Variants in IL1RAPL2 observed in about 807,000 individuals in gnomAD.
The protein encoded by IL1RAPL2 is X-linked interleukin-1 receptor accessory protein-like 2.
A neutral mutation model predicts 44.1 loss-of-function variants in IL1RAPL2; 3 were observed. That is an observed-to-expected ratio of 0.07 (90% confidence interval 0.03 to 0.18). The LOEUF (loss-of-function observed/expected upper bound fraction) is 0.18. Among genes scored for constraint, IL1RAPL2 ranks in the 10% least tolerant of loss-of-function variants. The probability of loss-of-function intolerance (pLI) is 1.00; values close to 1 mark genes in which losing one functional copy is unlikely to be tolerated. For missense variants in IL1RAPL2, 391 were observed against 496.4 expected (o/e 0.79, Z 2.02); for synonymous variants, 181 against 178.8 (o/e 1.01, Z -0.10).
At chrX:105,120,479 G>A (rs1331392126) in intron 2 of IL1RAPL2, among the ~76,000 whole-genome samples, 3 of 110,917 alleles carry the variant, frequency 2.7e-5, no homozygotes, top group Admixed American at 1.9e-4. Context: ...ATAAGATCTG[G>A]CACTTTGGAG....
At chrX:105,310,005 G>A (rs774633907) in intron 5 of IL1RAPL2, among the ~76,000 whole-genome samples, 1 of 111,167 alleles carries the variant, frequency 9.0e-6, no homozygotes, top group African/African-American at 3.3e-5. Flanking sequence ...TACAAGACAA[G>A]TTAGGAAGTG....
chrX:105,353,249 G>A (rs889298773), intron 5 of IL1RAPL2, among the ~76,000 whole-genome samples: 15 of 110,860 alleles, frequency 1.4e-4, no homozygotes, highest in Non-Finnish European at 1.9e-4. Context: ...GTAGATACGC[G>A]GCATTATTTC....
intron 2 of IL1RAPL2, among the ~76,000 whole-genome samples, chrX:104,950,206 G>A (rs770550922): frequency 3.6e-5 from 4 of 111,373 alleles, no homozygotes; most frequent in Admixed American, 1.9e-4. Context: ...ATCTTTGTTG[G>A]TTTAAAGTCT....
chrX:105,609,116 A>T (rs1384069922), intron 6 of IL1RAPL2, among the ~76,000 whole-genome samples: 1 of 111,858 alleles, frequency 8.9e-6, no homozygotes, highest in Non-Finnish European at 1.9e-5. Flanking sequence ...TATGCTCAAA[A>T]TATTTTAAAG....
Position 105,162,226 on chromosome X carries a change from G to A in IL1RAPL2, c.83-33249G>A, listed in dbSNP as rs772354348. On this transcript the variant is annotated intron_variant, in intron 2 of 10. Transcript: ENST00000372582. The stretch of plus-strand genomic sequence containing the variant: ...AGTTTCCTATATAAGTTGTAATACC[G>A]TGAACTCTCTGTCTACCATCCATGA... 4.5e-5 allele frequency among the ~76,000 whole-genome samples: 5 copies of A among 111,950 alleles called. No homozygotes were observed. In the South Asian group the frequency reaches 1.5e-3, roughly 33 times the overall value.
At chrX:105,076,447 A>G (rs1445341532) in intron 2 of IL1RAPL2, among the ~76,000 whole-genome samples, 1 of 111,099 alleles carries the variant, frequency 9.0e-6, no homozygotes, top group African/African-American at 3.3e-5. Context: ...TTTGCTGAGG[A>G]GTGTTTTACA....
At chrX:105,325,389 C>T (rs2034928102) in intron 5 of IL1RAPL2, among the ~76,000 whole-genome samples, 1 of 109,554 alleles carries the variant, frequency 9.1e-6, no homozygotes, top group Non-Finnish European at 1.9e-5. Flanking sequence ...ATTTTTATTG[C>T]AAAGTATAGA....
intron 1 of IL1RAPL2, among the ~76,000 whole-genome samples, chrX:104,649,859 T>A (rs970458352): frequency 1.8e-5 from 2 of 111,947 alleles, no homozygotes; most frequent in Non-Finnish European, 3.8e-5. Context: ...TATCTGGTAC[T>A]TTAAGGGAGG....
intron 6 of IL1RAPL2, among the ~76,000 whole-genome samples, chrX:105,578,743 T>C (rs767388883): frequency 1.8e-5 from 2 of 111,811 alleles, no homozygotes; most frequent in Non-Finnish European, 3.8e-5. Flanking sequence ...ACTGAAAATC[T>C]ATTAGTGATT....
At chrX:105,657,774 C>T (rs762351551) in intron 6 of IL1RAPL2, among the ~76,000 whole-genome samples, 27 of 111,033 alleles carry the variant, frequency 2.4e-4, no homozygotes, top group African/African-American at 6.9e-4. Context: ...CCTCCACACC[C>T]GGCTAATTTT....
intron 6 of IL1RAPL2, among the ~76,000 whole-genome samples, chrX:105,715,703 C>G (rs192631774): frequency 6.2e-4 from 69 of 111,266 alleles, no homozygotes; most frequent in African/African-American, 2.2e-3. Flanking sequence ...GGAGTTAGAG[C>G]AGATCCCAGC....
intron 1 of IL1RAPL2, among the ~76,000 whole-genome samples, chrX:104,581,002 G>T (rs1199301034): frequency 3.6e-5 from 4 of 111,849 alleles, no homozygotes; most frequent in Admixed American, 9.5e-5. Context: ...CTATTCTGAG[G>T]CTCAAATGAA....
intron 1 of IL1RAPL2, among the ~76,000 whole-genome samples, chrX:104,597,847 T>A (rs1928796334): frequency 8.9e-6 from 1 of 112,004 alleles, no homozygotes. Context: ...CAGTTTTGGA[T>A]AAGCTGAGTT....
intron 2 of IL1RAPL2, among the ~76,000 whole-genome samples, chrX:104,849,611 TACAA>T (rs1232426463): frequency 9.1e-6 from 1 of 109,704 alleles, no homozygotes; most frequent in African/African-American, 3.3e-5. Context: ...CAATGAGTTT[TACAA>T]ACAAAGATTA....
At chrX:104,975,579 C>T (rs1324524162) in intron 2 of IL1RAPL2, among the ~76,000 whole-genome samples, 1 of 112,610 alleles carries the variant, frequency 8.9e-6, no homozygotes, top group Non-Finnish European at 1.9e-5. Flanking sequence ...TAACAAACTA[C>T]TCTATAAACT....
intron 2 of IL1RAPL2, among the ~76,000 whole-genome samples, chrX:104,776,982 C>T: frequency 9.0e-6 from 1 of 111,655 alleles, no homozygotes; most frequent in Non-Finnish European, 1.9e-5. Flanking sequence ...GATCCTCTTG[C>T]TGTGCTGACT....
intron 5 of IL1RAPL2, among the ~76,000 whole-genome samples, chrX:105,371,264 C>G (rs1024917991): frequency 1.8e-5 from 2 of 112,090 alleles, no homozygotes; most frequent in Non-Finnish European, 3.8e-5. Flanking sequence ...ATTTTATCTT[C>G]ATTGCAATTG....
At chrX:105,390,451 G>A (rs948878664) in intron 5 of IL1RAPL2, among the ~76,000 whole-genome samples, 4 of 111,869 alleles carry the variant, frequency 3.6e-5, no homozygotes, top group African/African-American at 1.3e-4. Context: ...TTTAATAAAT[G>A]TTGAATAAAG....
chrX:105,164,538 T>C lies in IL1RAPL2; in HGVS notation c.83-30937T>C, dbSNP rs760519207. Among the ~76,000 whole-genome samples, 10 of 112,439 alleles carry C rather than the reference T, an allele frequency of 8.9e-5. No individual in the cohort carries two copies. The South Asian group carries it at 3.7e-3, about 41-fold the overall frequency. On this transcript the variant is annotated intron_variant, in intron 2 of 10. Coordinates refer to ENST00000372582, the MANE Select transcript of IL1RAPL2 (RefSeq NM_017416.2). Reference sequence around the variant, plus strand: ...TTAGTGACAGAAGTGAGAAATGCTATTAAGCAAAAGGAACAGGGCAAGAAC... The same window carrying C: ...TTAGTGACAGAAGTGAGAAATGCTACTAAGCAAAAGGAACAGGGCAAGAAC...
Sources: allele counts gnomAD v4.1 joint callset (sites outside exome capture counted in the v4.1 genomes callset), GRCh38; gene constraint gnomAD v4.1.1; transcripts MANE v1.5; gene names NCBI Gene and HGNC (gene_info 2026-07-23, HGNC 2026-07-21).